UMAD1: variants seen among roughly 807,000 people sequenced by gnomAD.
The protein encoded by UMAD1 is UBAP1-MVB12-associated (UMA)-domain containing protein 1.
UMAD1 carries 8 observed loss-of-function variants against 6.1 expected under a neutral mutation model. The observed-to-expected ratio is 1.30, with a 90% CI of 0.76 to 2.35. The LOEUF (loss-of-function observed/expected upper bound fraction) is 2.35, where lower values mean the gene tolerates loss of function less well. Ranked by LOEUF, UMAD1 falls within the 30% of genes most tolerant of loss-of-function variation. The probability of loss-of-function intolerance (pLI) is 0.00; values close to 1 mark genes in which losing one functional copy is unlikely to be tolerated. For missense variants in UMAD1, 130 were observed against 78.4 expected, an observed-to-expected ratio of 1.66 and a Z score of -2.49; for synonymous variants, 56 against 31.4, an observed-to-expected ratio of 1.78 and a Z score of -2.61.
At chr7:7,643,752 CG>C (rs1193427208) in intron 1 of UMAD1, among the ~76,000 whole-genome samples, 1 of 133,968 alleles carries the variant, frequency 7.5e-6, no homozygotes, top group Non-Finnish European at 1.6e-5. Context: ...AAAGGATCAA[CG>C]GTTAAATCGG....
chr7:7,867,672 G>A (rs1019028294), intron 3 of UMAD1, among the ~76,000 whole-genome samples: 3 of 152,112 alleles, frequency 2.0e-5, no homozygotes, highest in African/African-American at 7.2e-5. Context: ...CAGTGGGTGA[G>A]GGAGGCATGG....
At chr7:7,769,708 G>C (rs1425871322) in intron 2 of UMAD1, among the ~76,000 whole-genome samples, 1 of 152,210 alleles carries the variant, frequency 6.6e-6, no homozygotes, top group Non-Finnish European at 1.5e-5. Context: ...CATGTCCTAC[G>C]ACGGAGTCCT....
chr7:7,643,581 G>A (rs948966175), intron 1 of UMAD1, among the ~76,000 whole-genome samples: 4 of 152,052 alleles, frequency 2.6e-5, no homozygotes, highest in African/African-American at 7.2e-5. Flanking sequence ...GCGCGATGGC[G>A]GGGGCCTGTA....
chr7:7,667,633 T>C (rs1207435241), intron 1 of UMAD1, among the ~76,000 whole-genome samples: 2 of 152,208 alleles, frequency 1.3e-5, no homozygotes, highest in Non-Finnish European at 2.9e-5. Context: ...AAGGTCTTCA[T>C]AGATGTTGTG....
chr7:7,867,322 G>T (rs1166329354), intron 3 of UMAD1, among the ~76,000 whole-genome samples: 1 of 152,146 alleles, frequency 6.6e-6, no homozygotes, highest in African/African-American at 2.4e-5. Flanking sequence ...ACTTTTGGGG[G>T]AGTGGAAGAG....
intron 2 of UMAD1, among the ~76,000 whole-genome samples, chr7:7,793,701 C>A (rs1409476043): frequency 6.6e-6 from 1 of 151,988 alleles, no homozygotes; most frequent in African/African-American, 2.4e-5. Flanking sequence ...AAAAGGCAGC[C>A]ATGAAAAAAC....
At chr7:7,863,029 G>T (rs1156443906) in intron 3 of UMAD1, among the ~76,000 whole-genome samples, 2 of 143,152 alleles carry the variant, frequency 1.4e-5, no homozygotes, top group African/African-American at 2.7e-5. Flanking sequence ...TAAAAAAAAA[G>T]AAATCAGCTT....
intron 2 of UMAD1, among the ~76,000 whole-genome samples, chr7:7,790,027 C>T (rs185981667): frequency 2.4e-4 from 37 of 152,130 alleles, no homozygotes; most frequent in Middle Eastern, 3.4e-3. Context: ...AGAATGTGGG[C>T]GGAATTGATG....
intron 2 of UMAD1, among the ~76,000 whole-genome samples, chr7:7,776,000 A>AAT (rs971716998): frequency 2.0e-5 from 3 of 152,190 alleles, no homozygotes; most frequent in Non-Finnish European, 4.4e-5. Context: ...TGCCTTCACA[A>AAT]ATATATATAA....
chr7:7,681,621 T>A (rs1381323636), intron 2 of UMAD1, among the ~76,000 whole-genome samples: 1 of 152,126 alleles, frequency 6.6e-6, no homozygotes, highest in Non-Finnish European at 1.5e-5. Context: ...GTTGAAGTAA[T>A]CCTCCAGGGT....
intron 2 of UMAD1, among the ~76,000 whole-genome samples, chr7:7,720,431 AT>A (rs1053028847): frequency 5.9e-5 from 9 of 152,076 alleles, no homozygotes; most frequent in South Asian, 2.1e-4. Context: ...GTTTTTAATC[AT>A]TTCCCCCCCT....
intron 2 of UMAD1, among the ~76,000 whole-genome samples, chr7:7,681,871 G>T (rs746888058): frequency 2.6e-5 from 4 of 152,072 alleles, no homozygotes; most frequent in African/African-American, 9.7e-5. Context: ...GGGATATTGC[G>T]TAAATGTTAG....
chr7:7,800,438 A>G (rs997379528), intron 2 of UMAD1, among the ~76,000 whole-genome samples: 4 of 152,144 alleles, frequency 2.6e-5, no homozygotes, highest in Non-Finnish European at 5.9e-5. Flanking sequence ...TATTACTTTA[A>G]TCACTTTTTT....
At chr7:7,857,609 A>G (rs1784042256) in intron 3 of UMAD1, among the ~76,000 whole-genome samples, 1 of 152,252 alleles carries the variant, frequency 6.6e-6, no homozygotes, top group Non-Finnish European at 1.5e-5. Context: ...TCACTGGAAT[A>G]CATTTAGGTA....
intron 2 of UMAD1, among the ~76,000 whole-genome samples, chr7:7,694,138 T>A (rs1297303244): frequency 6.6e-6 from 1 of 152,202 alleles, no homozygotes; most frequent in Non-Finnish European, 1.5e-5. Context: ...TGAGTCATAT[T>A]TGAGCATTCC....
chr7:7,702,470 C>G (rs936358298), intron 2 of UMAD1, among the ~76,000 whole-genome samples: 4 of 152,128 alleles, frequency 2.6e-5, no homozygotes, highest in African/African-American at 9.7e-5. Flanking sequence ...ACCTGGCTTT[C>G]AAGTACACTC....
At chr7:7,836,976 C>G (rs978364799) in intron 3 of UMAD1, among the ~76,000 whole-genome samples, 9 of 151,054 alleles carry the variant, frequency 6.0e-5, no homozygotes, top group African/African-American at 1.9e-4. Flanking sequence ...AATCTGTCTT[C>G]AGATTTAGAA....
At chr7:7,665,680 C>G (rs1779427908) in intron 1 of UMAD1, among the ~76,000 whole-genome samples, 1 of 152,188 alleles carries the variant, frequency 6.6e-6, no homozygotes, top group East Asian at 1.9e-4. Flanking sequence ...TCCCTCCTTC[C>G]TTTGTTCCCT....
At chr7:7,756,008 G>A (rs552762705) in intron 2 of UMAD1, among the ~76,000 whole-genome samples, 1 of 152,202 alleles carries the variant, frequency 6.6e-6, no homozygotes, top group Admixed American at 6.5e-5. Context: ...ACATTGCTTG[G>A]AATAAGTAGT....
Sources: gnomAD v4.1 joint callset for allele counts (sites outside exome capture counted in the v4.1 genomes callset) on GRCh38, gnomAD v4.1.1 for gene constraint, MANE v1.5 for transcripts, NCBI Gene and HGNC (gene_info 2026-07-23, HGNC 2026-07-21) for gene names.